Variants in ITPR2 observed in about 807,000 individuals in gnomAD.
ITPR2 encodes the protein inositol 1,4,5-trisphosphate receptor type 2.
A neutral mutation model predicts 317.1 loss-of-function variants in ITPR2; 207 were observed. The ratio of observed to expected loss-of-function variants is 0.65; its 90% CI spans 0.58 to 0.73. The LOEUF is 0.73. Ranked by LOEUF, ITPR2 falls within the 30% of genes least tolerant of loss-of-function variation. The probability of loss-of-function intolerance (pLI) is 0.00; values close to 1 mark genes in which losing one functional copy is unlikely to be tolerated. For missense variants in ITPR2, 2,613 were observed against 3,284.0 expected, an observed-to-expected ratio of 0.80 and a Z score of 4.99; for synonymous variants, 1,156 against 1,149.1, an observed-to-expected ratio of 1.01 and a Z score of -0.12.
Position 26,633,142 on chromosome 12 carries a change from T to TA in ITPR2, c.2741-1084dup, listed in dbSNP as rs35818248. Among the ~76,000 whole-genome samples the TA allele has an allele frequency of 6.1e-3, 908 of 147,826 alleles. 4 individuals carry two copies. Among genetic ancestry groups the TA allele is most frequent in the African/African-American group, 0.019 (781 of 40,474 alleles). ...AAATAAGATGGGATGAGATTTTTAT[T>TA]AAAAAAAAAAAAACTCTGAGCTCTA... On this transcript the variant is annotated intron_variant, in intron 21 of 56. Transcript: ENST00000381340.
intron 21 of ITPR2, among the ~76,000 whole-genome samples, chr12:26,645,520 G>A (rs910179079): frequency 3.9e-5 from 6 of 152,212 alleles, no homozygotes; most frequent in Admixed American, 3.9e-4. Flanking sequence ...CAGAAACAAA[G>A]GGACTTCACT....
chr12:26,397,643 A>C (rs4963991), intron 54 of ITPR2, among the ~76,000 whole-genome samples: 2 of 152,124 alleles, frequency 1.3e-5, no homozygotes, highest in African/African-American at 4.8e-5. Flanking sequence ...TTATTACCTG[A>C]TACACCTACA....
intron 14 of ITPR2, among the ~76,000 whole-genome samples, chr12:26,664,281 C>T (rs1159043814): frequency 6.6e-6 from 1 of 152,078 alleles, no homozygotes; most frequent in African/African-American, 2.4e-5. Flanking sequence ...AAACTGACAT[C>T]AGAAAATGAC....
intron 37 of ITPR2, among the ~76,000 whole-genome samples, chr12:26,500,119 T>A (rs1943036429): frequency 1.3e-5 from 2 of 152,250 alleles, no homozygotes; most frequent in Non-Finnish European, 2.9e-5. Flanking sequence ...CAGTTCTGAC[T>A]TAAGCGGTGA....
At chr12:26,669,551 C>T (rs1947701114) in intron 13 of ITPR2, among the ~76,000 whole-genome samples, 1 of 152,112 alleles carries the variant, frequency 6.6e-6, no homozygotes, top group Non-Finnish European at 1.5e-5. Context: ...TATAAAATTA[C>T]CAAGTCGGGG....
rs780170697 is a variant in ITPR2, at chr12:26,443,557, T to C, written c.6436A>G (p.Thr2146Ala). ...TAGATGGTTACCTCAATCTGTGCAGTGTGGTTGGCATAATACTTTAAGGCT... is the reference window on the plus strand; with the variant it reads ...TAGATGGTTACCTCAATCTGTGCAGCGTGGTTGGCATAATACTTTAAGGCT... The part of the protein sequence containing the change: ...DEALKYYANH[T>A]AQIEIVRHDR... Residue 2146 changes from threonine (T) to alanine (A), a missense_variant, in exon 46 of 57, where the codon ACT becomes GCT. Physicochemically the swap from Thr to Ala is moderately conservative, Grantham distance 58 (BLOSUM62 0). Coordinates refer to ENST00000381340, the MANE Select transcript of ITPR2 (RefSeq NM_002223.4). The C allele has an allele frequency of 5.4e-5, 87 of 1,611,080 alleles. No individual in the cohort carries two copies. Among genetic ancestry groups the C allele is most frequent in the Non-Finnish European group, 7.3e-5 (86 of 1,177,586 alleles).
chr12:26,443,782 G>A, intron 45 of ITPR2, 132 bp from the exon 46 acceptor site: 1 of 565,140 alleles, frequency 1.8e-6, no homozygotes, highest in Non-Finnish European at 3.2e-6. Context: ...TTACACTTCA[G>A]GAAAGCATGT....
At chr12:26,455,756 G>A (rs1199004023) in intron 45 of ITPR2, among the ~76,000 whole-genome samples, 1 of 151,950 alleles carries the variant, frequency 6.6e-6, no homozygotes, top group Non-Finnish European at 1.5e-5. Flanking sequence ...ATAACCTACT[G>A]GTAAAGAAGC....
intron 26 of ITPR2, among the ~76,000 whole-genome samples, chr12:26,605,815 C>T (rs896721654): frequency 6.6e-6 from 1 of 152,152 alleles, no homozygotes; most frequent in African/African-American, 2.4e-5. Context: ...ATTCAACAAA[C>T]AACCCCTTTT....
intron 41 of ITPR2, among the ~76,000 whole-genome samples, chr12:26,485,142 A>G (rs980464208): frequency 2.6e-5 from 4 of 152,210 alleles, no homozygotes; most frequent in African/African-American, 9.7e-5. Context: ...CTCTAGATTA[A>G]TCACCTGTTA....
At chr12:26,571,295 T>C (rs1223687775) in intron 34 of ITPR2, among the ~76,000 whole-genome samples, 1 of 152,206 alleles carries the variant, frequency 6.6e-6, no homozygotes, top group East Asian at 1.9e-4. Context: ...CGACATGACA[T>C]AGTAAACTCA....
chr12:26,651,574 T>G (rs562355009), intron 21 of ITPR2, among the ~76,000 whole-genome samples: 2 of 152,344 alleles, frequency 1.3e-5, no homozygotes, highest in African/African-American at 4.8e-5. Context: ...CTTAATTCCA[T>G]TTAGAGTACC....
At chr12:26,597,867 TAAC>T (rs1591945382) in intron 30 of ITPR2, among the ~76,000 whole-genome samples, 2 of 152,186 alleles carry the variant, frequency 1.3e-5, no homozygotes, top group East Asian at 3.8e-4. Context: ...CATTGGTGGG[TAAC>T]TAAGGACATA....
At position 26,602,659 on chromosome 12, in the gene ITPR2, C is replaced by A. The variant is rs1591950450; in HGVS notation, c.3510G>T (p.Gln1170His). 6.2e-7 allele frequency: 1 copy of A among 1,611,708 alleles called. No individual in the cohort carries two copies. ...SPVQDGTKKP[Q>H]IDSNKSNNYR... ...AGTTATTGCTCTTGTTGCTGTCAAT[C>A]TGAGGTTTCTTTGTTCCATCCTGCA... Residue 1170 changes from glutamine (Q) to histidine (H), a missense_variant, in exon 27 of 57, where the codon CAG (glutamine) becomes CAT (histidine). This residue lies in a region of ITPR2 where 817 missense variants were observed against 897.6 expected (regional missense o/e 0.91). Coordinates refer to ENST00000381340, the MANE Select transcript of ITPR2 (RefSeq NM_002223.4).
At chr12:26,539,779 T>A (rs1004212630) in intron 37 of ITPR2, among the ~76,000 whole-genome samples, 3 of 152,174 alleles carry the variant, frequency 2.0e-5, no homozygotes, top group African/African-American at 7.2e-5. Context: ...CCACCCAAGT[T>A]TGCAGGGATG....
chr12:26,475,146 T>G, intron 45 of ITPR2, 150 bp downstream of exon 45: 1 of 811,090 alleles, frequency 1.2e-6, no homozygotes, highest in South Asian at 1.8e-5. Flanking sequence ...AGTCAGGCAT[T>G]CTGGGAGGCT....
At chr12:26,573,976 C>T (rs998734628) in intron 34 of ITPR2, among the ~76,000 whole-genome samples, 2 of 151,982 alleles carry the variant, frequency 1.3e-5, no homozygotes, top group Non-Finnish European at 2.9e-5. Flanking sequence ...CATCCATGTC[C>T]GATGATGGTA....
intron 54 of ITPR2, among the ~76,000 whole-genome samples, chr12:26,389,232 C>G (rs1204464532): frequency 6.6e-6 from 1 of 152,160 alleles, no homozygotes; most frequent in Non-Finnish European, 1.5e-5. Context: ...CTGTTGTAAA[C>G]CCAACAATGG....
intron 45 of ITPR2, among the ~76,000 whole-genome samples, chr12:26,449,534 T>C (rs1941689355): frequency 6.6e-6 from 1 of 152,146 alleles, no homozygotes; most frequent in Non-Finnish European, 1.5e-5. Flanking sequence ...AAAACAATGA[T>C]AGACATGTAA....
Sources: allele counts gnomAD v4.1 joint callset (sites outside exome capture counted in the v4.1 genomes callset), GRCh38; gene constraint gnomAD v4.1.1; regional missense constraint gnomAD v4.1.1; transcripts MANE v1.5; gene names NCBI Gene and HGNC (gene_info 2026-07-23, HGNC 2026-07-21).